MAPT: variants seen among roughly 807,000 people sequenced by gnomAD.
MAPT encodes microtubule associated protein tau, also known as microtubule-associated protein tau.
Under a neutral mutation model 67.9 loss-of-function variants are expected in MAPT, and 34 were observed. That is an observed-to-expected ratio of 0.50 (90% CI 0.38 to 0.67). The LOEUF (loss-of-function observed/expected upper bound fraction) is 0.67. Ranked by LOEUF, MAPT falls within the 30% of genes least tolerant of loss-of-function variation. The pLI is 0.00. For missense variants in MAPT, 881 were observed against 1,115.2 expected (o/e 0.79, Z 2.99); for synonymous variants, 456 against 464.5 (o/e 0.98, Z 0.23).
intron 1 of MAPT, among the ~76,000 whole-genome samples, chr17:45,941,131 C>T (rs2067812708): frequency 6.6e-6 from 1 of 152,154 alleles, no homozygotes; most frequent in Non-Finnish European, 1.5e-5. Context: ...CTTCTGCAGG[C>T]CAGCTGGGAG....
chr17:46,006,189 A>G (rs1307010119), intron 9 of MAPT, among the ~76,000 whole-genome samples: 1 of 152,236 alleles, frequency 6.6e-6, no homozygotes, highest in Non-Finnish European at 1.5e-5. Flanking sequence ...AAGCAACCCA[A>G]GTGTCCATCA....
At chr17:45,950,727 A>G in intron 1 of MAPT, among the ~76,000 whole-genome samples, 1 of 152,124 alleles carries the variant, frequency 6.6e-6, no homozygotes, top group Non-Finnish European at 1.5e-5. Flanking sequence ...CAGTGGCATG[A>G]TCTAGGCTCA....
chr17:45,982,784 T>C, intron 4 of MAPT, 82 bp from the exon 5 acceptor site: 1 of 706,206 alleles, frequency 1.4e-6, no homozygotes, highest in East Asian at 8.2e-5. Context: ...CTCAGTGTCA[T>C]TTTGTCCAGG....
intron 1 of MAPT, among the ~76,000 whole-genome samples, chr17:45,901,273 G>A (rs181800280): frequency 7.4e-4 from 113 of 152,290 alleles, no homozygotes; most frequent in African/African-American, 2.3e-3. Flanking sequence ...CTGCCTTCCC[G>A]CCAGCCATCC....
intron 9 of MAPT, among the ~76,000 whole-genome samples, chr17:46,007,588 G>A (rs2075540733): frequency 1.3e-5 from 2 of 152,076 alleles, no homozygotes; most frequent in Non-Finnish European, 2.9e-5. Context: ...GTAAAGGAGC[G>A]ATTTCAGTCA....
chr17:46,023,680 A>G (rs2076669061), intron 12 of MAPT, among the ~76,000 whole-genome samples: 1 of 152,200 alleles, frequency 6.6e-6, no homozygotes, highest in Non-Finnish European at 1.5e-5. Flanking sequence ...TTTCTATTAA[A>G]AATACAAAAA....
Position 45,996,711 on chromosome 17 carries a change from AG to A in MAPT, c.1998+51del, listed in dbSNP as rs1598327589. 1 of 1,605,500 alleles carries A rather than the reference AG, an allele frequency of 6.2e-7. No homozygotes were observed. The stretch of plus-strand genomic sequence containing the variant: ...TGGAGGTGTGGGGGGCTGCGCCTGG[AG>A]GGGTAGGGCTGTGCCTGGAAGGGTA... On this transcript the variant is annotated intron_variant, in intron 9 of 12. Transcript: ENST00000262410. The surrounding 1 kb of genome is among the most constrained non-coding windows in gnomAD (Gnocchi z 4.5).
chr17:45,994,796 G>C (rs1011547166), intron 8 of MAPT, among the ~76,000 whole-genome samples: 1 of 152,194 alleles, frequency 6.6e-6, no homozygotes, highest in Non-Finnish European at 1.5e-5. Flanking sequence ...AGGAGTTCAA[G>C]ACCAGCCTGG....
chr17:45,901,364 G>A (rs2063601745), intron 1 of MAPT, among the ~76,000 whole-genome samples: 2 of 152,192 alleles, frequency 1.3e-5, no homozygotes, highest in African/African-American at 4.8e-5. Context: ...AGGGCTGATC[G>A]AGAAAGTAAT....
Position 45,906,866 on chromosome 17 carries a change from A to T in MAPT, c.-18+12180A>T, listed in dbSNP as rs1341640856. ...ACAGACCCGCCAGTTTCTTCCAGGC[A>T]TTGCCTCAGTTTGCCCCTCTGTTTC... On this transcript the variant is annotated intron_variant, in intron 1 of 12. Coordinates refer to ENST00000262410, the MANE Select transcript of MAPT (RefSeq NM_001377265.1). This position sits in a 1 kb window ranked among gnomAD's most constrained non-coding sequence, Gnocchi z 4.3. Among the ~76,000 whole-genome samples the T allele has an allele frequency of 6.6e-6, 1 of 152,090 alleles. No homozygotes were observed. The highest frequency in any genetic ancestry group is 1.5e-5 in the Non-Finnish European group (1 of 68,006).
chr17:45,955,822 G>A (rs112950348), intron 1 of MAPT, among the ~76,000 whole-genome samples: 21,711 of 151,662 alleles, frequency 0.14, 2,113 homozygotes, highest in Non-Finnish European at 0.22. Context: ...TGCAACCTCC[G>A]CCTCCTAGGT....
At chr17:45,941,009 G>T (rs1346403462) in intron 1 of MAPT, among the ~76,000 whole-genome samples, 1 of 152,150 alleles carries the variant, frequency 6.6e-6, no homozygotes, top group Non-Finnish European at 1.5e-5. Context: ...GCAGAGAGGA[G>T]ACTTGTGTAC....
chr17:45,974,376 G>T, intron 3 of MAPT: 1 of 1,596,856 alleles, frequency 6.3e-7, no homozygotes, highest in South Asian at 1.1e-5. Flanking sequence ...GGATCTCGGT[G>T]GTTTCTAGAT....
intron 5 of MAPT, among the ~76,000 whole-genome samples, chr17:45,984,850 A>G (rs1299594561): frequency 6.6e-6 from 1 of 152,244 alleles, no homozygotes; most frequent in Non-Finnish European, 1.5e-5. Flanking sequence ...CCACAAGGCG[A>G]GCTTGTTCAT....
intron 1 of MAPT, among the ~76,000 whole-genome samples, chr17:45,948,192 G>A (rs2068697312): frequency 6.6e-6 from 1 of 152,118 alleles, no homozygotes; most frequent in African/African-American, 2.4e-5. Flanking sequence ...TTTTGGTAGA[G>A]ACAGGGTTTC....
At chr17:46,001,963 C>T (rs2075037726) in intron 9 of MAPT, among the ~76,000 whole-genome samples, 1 of 152,188 alleles carries the variant, frequency 6.6e-6, no homozygotes, top group African/African-American at 2.4e-5. Context: ...TTTGAAAGGA[C>T]AGCCCCCACC....
chr17:46,012,428 C>T (rs1311973023), intron 10 of MAPT, among the ~76,000 whole-genome samples: 1 of 152,120 alleles, frequency 6.6e-6, no homozygotes, highest in African/African-American at 2.4e-5. Flanking sequence ...GGCAGAGAGC[C>T]ACCAGATGTC....
chr17:45,901,728 T>C (rs2063625010), intron 1 of MAPT, among the ~76,000 whole-genome samples: 2 of 152,330 alleles, frequency 1.3e-5, no homozygotes, highest in South Asian at 4.1e-4. Flanking sequence ...TAAATGTGAA[T>C]TTGTTCACCC....
intron 1 of MAPT, among the ~76,000 whole-genome samples, chr17:45,925,795 T>C (rs1407616183): frequency 6.6e-6 from 1 of 152,248 alleles, no homozygotes; most frequent in Non-Finnish European, 1.5e-5. Context: ...CATAGTGATG[T>C]CTCTGGTGGT....
Sources: gnomAD v4.1 joint callset for allele counts (sites outside exome capture counted in the v4.1 genomes callset) on GRCh38, gnomAD v4.1.1 for gene constraint, Gnocchi (gnomAD v3.1) non-coding constraint, MANE v1.5 for transcripts, NCBI Gene and HGNC (gene_info 2026-07-23, HGNC 2026-07-21) for gene names.